CCDC138: variants seen among roughly 807,000 people sequenced by gnomAD.
CCDC138 encodes coiled-coil domain containing 138.
Under a neutral mutation model 82.3 loss-of-function variants are expected in CCDC138, and 66 were observed. The ratio of observed to expected loss-of-function variants is 0.80; its 90% CI spans 0.66 to 0.98. CCDC138 has a LOEUF of 0.98. CCDC138 is among the 50% of genes least tolerant of loss of function. The pLI is 0.00. For missense variants in CCDC138, 816 were observed against 758.9 expected, an observed-to-expected ratio of 1.08 and a Z score of -0.88; for synonymous variants, 297 against 265.4, an observed-to-expected ratio of 1.12 and a Z score of -1.16.
intron 13 of CCDC138, among the ~76,000 whole-genome samples, chr2:108,861,624 G>T (rs1461961907): frequency 6.6e-6 from 1 of 151,918 alleles, no homozygotes; most frequent in Non-Finnish European, 1.5e-5. Flanking sequence ...GGGACTACAG[G>T]TGCACACCGC....
At position 108,876,544 on chromosome 2, in the gene CCDC138, G is replaced by C; in HGVS notation, c.*291G>C. 1 of 202,084 alleles carries C rather than the reference G, an allele frequency of 4.9e-6. No individual in the cohort carries two copies. Among genetic ancestry groups the C allele is most frequent in the Non-Finnish European group, 9.8e-6 (1 of 101,644 alleles). 12.5% of individuals were successfully genotyped at this position (202,084 alleles called of 1,614,324 possible). A position where few individuals can be genotyped will look rare whatever the true frequency, so the allele number is the denominator to read the frequency against. Reference sequence around the variant, plus strand: ...GGAAAATTATTTCTTAAAATTATGTGATTATTTGGAATAAAATTGGTGCTT... The same window carrying C: ...GGAAAATTATTTCTTAAAATTATGTCATTATTTGGAATAAAATTGGTGCTT... On this transcript the variant is annotated 3_prime_UTR_variant, in exon 15 of 15. Transcript: ENST00000295124.
chr2:108,800,608 CTTTTTTTTTTTTTTTT>C (rs67529329), intron 6 of CCDC138, among the ~76,000 whole-genome samples: 2 of 33,492 alleles, frequency 6.0e-5, no homozygotes, highest in African/African-American at 2.8e-4. Flanking sequence ...CTCAGTTTAG[CTTTTTTTTTTTTTTTT>C]TTTTTTTTTT....
chr2:108,830,545 G>A (rs1046020998), intron 10 of CCDC138, among the ~76,000 whole-genome samples: 2 of 152,160 alleles, frequency 1.3e-5, no homozygotes, highest in African/African-American at 2.4e-5. Context: ...CATGGCTCAC[G>A]CCTGTAATCC....
chr2:108,875,741 C>A (rs1176329765), intron 14 of CCDC138, among the ~76,000 whole-genome samples: 1 of 152,110 alleles, frequency 6.6e-6, no homozygotes, highest in Non-Finnish European at 1.5e-5. Context: ...CGCCTGTAGT[C>A]CTAGCTACTT....
Position 108,788,868 on chromosome 2 carries a change from C to T in CCDC138, c.168C>T (p.Tyr56=). ...TLTSPGDLDI[Y]SGDKVGSSLK... ...CGTTGACAGGTGATTTGGATATCTA[C>T]TCTGGAGATAAAGTTGGTTCATCGT... is the stretch of plus-strand genomic sequence containing the variant. The change falls in exon 3 of 15, where the codon TAC becomes TAT. Residue 56 remains tyrosine (Y), a synonymous_variant. Transcript: ENST00000295124. The T allele has an allele frequency of 6.2e-7, 1 of 1,613,996 alleles. No individual in the cohort carries two copies. The highest frequency in any genetic ancestry group is 8.5e-7 in the Non-Finnish European group (1 of 1,179,884).
At chr2:108,797,728 C>T (rs1681139771) in intron 5 of CCDC138, among the ~76,000 whole-genome samples, 1 of 152,098 alleles carries the variant, frequency 6.6e-6, no homozygotes, top group Non-Finnish European at 1.5e-5. Context: ...TTTTCTTATG[C>T]TGTCTTCTGT....
Position 108,812,968 on chromosome 2 carries a change from G to A in CCDC138, c.1041+41G>A, listed in dbSNP as rs77502173. ...GATTTGATATGATTGAAAATTTCTC[G>A]GCTGGGTACGGTGGCTCACACCTGT... On this transcript the variant is annotated intron_variant, in intron 9 of 14. Transcript: ENST00000295124. The A allele has an allele frequency of 2.5e-3, 3,983 of 1,574,204 alleles. 83 individuals are homozygous for A. In the African/African-American group the frequency reaches 0.048, roughly 19 times the overall value.
chr2:108,794,772 A>G (rs1680575035), intron 5 of CCDC138, 51 bp downstream of exon 5: 1 of 1,384,840 alleles, frequency 7.2e-7, no homozygotes, highest in Admixed American at 2.2e-5. Context: ...TGTTCTAAGA[A>G]CCAAGCATTT....
intron 13 of CCDC138, among the ~76,000 whole-genome samples, chr2:108,871,571 T>A (rs1439234836): frequency 6.6e-6 from 1 of 151,812 alleles, no homozygotes; most frequent in Non-Finnish European, 1.5e-5. Flanking sequence ...TAAAAGTTCC[T>A]TCTGTTAAAA....
At chr2:108,864,014 A>G (rs999170305) in intron 13 of CCDC138, among the ~76,000 whole-genome samples, 3 of 152,204 alleles carry the variant, frequency 2.0e-5, no homozygotes, top group Non-Finnish European at 4.4e-5. Context: ...CTCTGTTTCT[A>G]AGATGAAAGG....
At position 108,851,600 on chromosome 2, in the gene CCDC138, G is replaced by A. The variant is rs565160826; in HGVS notation, c.1516+4670G>A. ...TTACAGGCGTGAGCCACCGCGCCCG[G>A]CCTTTCTCTTGGGTTTTTATGGAGG... On this transcript the variant is annotated intron_variant, in intron 12 of 14. Transcript: ENST00000295124. 1.4e-3 allele frequency among the ~76,000 whole-genome samples: 210 copies of A among 152,298 alleles called. 1 individual carries two copies. In the Middle Eastern group the frequency reaches 0.034, roughly 25 times the overall value.
At chr2:108,883,667 C>T (rs1262269772) in intron 2 of CCDC138, 2 of 152,248 alleles carry the variant, frequency 1.3e-5, no homozygotes, top group Non-Finnish European at 2.9e-5. Flanking sequence ...GGGATGCTCA[C>T]TCGAGTGGGC....
In CCDC138 at chr2:108,873,700, A is replaced by G. The variant is rs150078389; in HGVS notation, c.1832+111A>G. The G allele has an allele frequency of 3.5e-3, 2,296 of 661,696 alleles. 43 individuals are homozygous for G. The South Asian group carries it at 0.037, about 11-fold the overall frequency. The allele number at this position is 661,696 out of a possible 1,614,324, so 41.0% of individuals were successfully genotyped here. A position where few individuals can be genotyped will look rare whatever the true frequency, so the allele number is the denominator to read the frequency against. On this transcript the variant is annotated intron_variant, in intron 14 of 14. Transcript: ENST00000295124. ...CCTGGGCCACACTGGATGAAGAAGA[A>G]TTGCCTTGTGCCACACATAAAATAC... is the stretch of plus-strand genomic sequence containing the variant.
intron 12 of CCDC138, among the ~76,000 whole-genome samples, chr2:108,847,945 A>G (rs945782805): frequency 1.3e-5 from 2 of 152,198 alleles, no homozygotes; most frequent in Non-Finnish European, 1.5e-5. Flanking sequence ...AGAAGCAGGG[A>G]TTAGCTCAAA....
At chr2:108,847,662 G>A (rs1179733447) in intron 12 of CCDC138, among the ~76,000 whole-genome samples, 2 of 152,168 alleles carry the variant, frequency 1.3e-5, no homozygotes, top group Non-Finnish European at 2.9e-5. Flanking sequence ...TTATGCCAGT[G>A]TAGTCAGGCA....
chr2:108,798,354 T>G, intron 5 of CCDC138, 74 bp from the exon 6 acceptor site: 1 of 1,521,102 alleles, frequency 6.6e-7, no homozygotes, highest in South Asian at 1.3e-5. Flanking sequence ...TAAACCACAG[T>G]GTCAGCCAAT....
chr2:108,804,797 A>G, intron 6 of CCDC138, 92 bp from the exon 7 acceptor site: 1 of 1,190,582 alleles, frequency 8.4e-7, no homozygotes, highest in Non-Finnish European at 1.1e-6. Flanking sequence ...TGATTGAAGG[A>G]GTTCTTACTT....
Position 108,791,773 on chromosome 2 carries a change from CCAAG to C in CCDC138, c.368_371del (p.Lys123SerfsTer6). ...TATAGAGTTAGTACCTCGAAAATAA[CCAAG>C]CAGTCTTTTAAAGAAATAGAAAAAG... On this transcript the variant is annotated frameshift_variant, in exon 4 of 15. Coordinates refer to ENST00000295124, the MANE Select transcript of CCDC138 (RefSeq NM_144978.3). LOFTEE classifies it high-confidence loss of function. The C allele has an allele frequency of 6.3e-7, 1 of 1,596,042 alleles. No homozygotes were observed. The highest frequency in any genetic ancestry group is 8.6e-7 in the Non-Finnish European group (1 of 1,168,952).
chr2:108,873,954 A>G (rs1394523409), intron 14 of CCDC138, among the ~76,000 whole-genome samples: 2 of 152,170 alleles, frequency 1.3e-5, no homozygotes, highest in African/African-American at 4.8e-5. Flanking sequence ...ATTAAGATTC[A>G]TAAATACTAA....
Sources: allele counts gnomAD v4.1 joint callset (sites outside exome capture counted in the v4.1 genomes callset), GRCh38; gene constraint gnomAD v4.1.1; transcripts MANE v1.5; gene names NCBI Gene and HGNC (gene_info 2026-07-23, HGNC 2026-07-21).